KLF8: variants seen among roughly 807,000 people sequenced by gnomAD.
KLF8 encodes the protein Krueppel-like factor 8.
KLF8 carries 10 observed loss-of-function variants against 18.2 expected under a neutral mutation model. The ratio of observed to expected loss-of-function variants is 0.55; its 90% CI spans 0.34 to 0.93. The LOEUF is 0.93. KLF8 is among the 40% of genes least tolerant of loss of function. The pLI, the probability that KLF8 is intolerant of heterozygous loss-of-function variation, is 0.02. For synonymous variants in KLF8, 109 were observed against 97.3 expected, an observed-to-expected ratio of 1.12 and a Z score of -0.71; for missense variants, 264 against 277.9, an observed-to-expected ratio of 0.95 and a Z score of 0.36.
the KLF8 span, among the ~76,000 whole-genome samples, chrX:56,198,918 G>C: frequency 9.0e-6 from 1 of 111,328 alleles, no homozygotes; most frequent in Non-Finnish European, 1.9e-5. Context: ...CAGAACAGAG[G>C]CCTCAGAAAT....
the KLF8 span, among the ~76,000 whole-genome samples, chrX:55,946,163 A>T: frequency 1.8e-5 from 2 of 111,764 alleles, no homozygotes; most frequent in African/African-American, 6.5e-5. Flanking sequence ...ACCAAAAAAG[A>T]GCCCACATCG....
At chrX:55,938,174 T>C in the KLF8 span, among the ~76,000 whole-genome samples, 1 of 112,029 alleles carries the variant, frequency 8.9e-6, no homozygotes, top group Non-Finnish European at 1.9e-5. Flanking sequence ...ACAGGTGATC[T>C]CTCGGCAGAA....
chrX:55,916,781 G>T, the KLF8 span, among the ~76,000 whole-genome samples: 1 of 111,952 alleles, frequency 8.9e-6, no homozygotes, highest in Non-Finnish European at 1.9e-5. Flanking sequence ...ACTTTCCAAG[G>T]TTTATGCTTC....
At chrX:56,208,564 T>G in the KLF8 span, among the ~76,000 whole-genome samples, 9 of 111,719 alleles carry the variant, frequency 8.1e-5, no homozygotes, top group South Asian at 1.5e-3. Flanking sequence ...ATTAGATTGT[T>G]TATTTGAAGA....
the KLF8 span, among the ~76,000 whole-genome samples, chrX:56,152,898 G>A: frequency 1.8e-5 from 2 of 112,101 alleles, no homozygotes; most frequent in East Asian, 2.8e-4. Flanking sequence ...GACAGCTTAA[G>A]TAACATGTAT....
chrX:56,128,022 T>A, the KLF8 span, among the ~76,000 whole-genome samples: 1 of 111,978 alleles, frequency 8.9e-6, no homozygotes. Flanking sequence ...AGGGTAATGC[T>A]TGAGCTAGAA....
At chrX:56,154,341 C>T in the KLF8 span, among the ~76,000 whole-genome samples, 2 of 111,677 alleles carry the variant, frequency 1.8e-5, no homozygotes, top group Non-Finnish European at 3.8e-5. Context: ...CTGACAAAAA[C>T]AAGAAATGGG....
At chrX:55,987,802 T>A in the KLF8 span, among the ~76,000 whole-genome samples, 2 of 112,125 alleles carry the variant, frequency 1.8e-5, no homozygotes, top group African/African-American at 6.5e-5. Context: ...GTTGAACTAG[T>A]TTACAGTCCC....
At chrX:56,216,984 C>T in the KLF8 span, among the ~76,000 whole-genome samples, 1 of 111,618 alleles carries the variant, frequency 9.0e-6, no homozygotes, top group Non-Finnish European at 1.9e-5. Flanking sequence ...TCTCTCATAG[C>T]ATATAGTATG....
the KLF8 span, among the ~76,000 whole-genome samples, chrX:55,959,693 T>TA: frequency 3.6e-5 from 4 of 110,847 alleles, no homozygotes; most frequent in East Asian, 8.4e-4. Context: ...GCAGTCAGAA[T>TA]AAAAAAAGAA....
At chrX:56,058,673 A>G in the KLF8 span, among the ~76,000 whole-genome samples, 1 of 110,189 alleles carries the variant, frequency 9.1e-6, no homozygotes, top group Non-Finnish European at 1.9e-5. Flanking sequence ...CCCTGCAAAG[A>G]ACATGAACTC....
chrX:55,911,157 A>C, the KLF8 span, among the ~76,000 whole-genome samples: 1 of 112,341 alleles, frequency 8.9e-6, no homozygotes, highest in South Asian at 3.6e-4. Context: ...AAGAGAAAAT[A>C]TATCTACTAT....
chrX:56,214,131 C>T, the KLF8 span, among the ~76,000 whole-genome samples: 1 of 110,632 alleles, frequency 9.0e-6, no homozygotes, highest in Non-Finnish European at 1.9e-5. Flanking sequence ...CCCTTCTCTG[C>T]TCTTTGCCAG....
chrX:56,170,466 G>C, the KLF8 span, among the ~76,000 whole-genome samples: 3 of 110,180 alleles, frequency 2.7e-5, no homozygotes, highest in African/African-American at 6.6e-5. Flanking sequence ...TCAGAATTCT[G>C]TCAGACAAAT....
the KLF8 span, among the ~76,000 whole-genome samples, chrX:56,021,854 G>A: frequency 9.1e-6 from 1 of 109,832 alleles, no homozygotes; most frequent in African/African-American, 3.3e-5. Flanking sequence ...TGAGGGAACA[G>A]CAGGCCTTGT....
At chrX:56,146,919 T>A in the KLF8 span, among the ~76,000 whole-genome samples, 1 of 111,977 alleles carries the variant, frequency 8.9e-6, no homozygotes, top group South Asian at 3.7e-4. Flanking sequence ...GAAAGCACAA[T>A]TCAACTTTAA....
the KLF8 span, among the ~76,000 whole-genome samples, chrX:56,140,860 T>G: frequency 1.8e-5 from 2 of 109,820 alleles, no homozygotes; most frequent in African/African-American, 6.6e-5. Context: ...ACTGTGCATG[T>G]GCATAAAACT....
At chrX:56,218,388 G>A in the KLF8 span, among the ~76,000 whole-genome samples, 1 of 110,977 alleles carries the variant, frequency 9.0e-6, no homozygotes, top group Non-Finnish European at 1.9e-5. Context: ...CAGTCCTTTC[G>A]CTGGTTCAAA....
chrX:56,127,512 T>A, the KLF8 span, among the ~76,000 whole-genome samples: 2 of 109,717 alleles, frequency 1.8e-5, no homozygotes, highest in East Asian at 2.9e-4. Flanking sequence ...ATAAAAAAAA[T>A]AATAATAACC....
Sources: allele counts gnomAD v4.1 joint callset (sites outside exome capture counted in the v4.1 genomes callset), GRCh38; gene constraint gnomAD v4.1.1; transcripts MANE v1.5; gene names NCBI Gene and HGNC (gene_info 2026-07-23, HGNC 2026-07-21).